DOCK11: variants seen among roughly 807,000 people sequenced by gnomAD.
The protein encoded by DOCK11 is dedicator of cytokinesis protein 11.
Under a neutral mutation model 169.1 loss-of-function variants are expected in DOCK11, and 70 were observed. The observed-to-expected ratio is 0.41, with a 90% CI of 0.34 to 0.51. DOCK11 has a LOEUF of 0.51. Among genes scored for constraint, DOCK11 ranks in the 20% least tolerant of loss-of-function variants. The pLI, the probability that DOCK11 is intolerant of heterozygous loss-of-function variation, is 0.10. For synonymous variants in DOCK11, 529 were observed against 541.3 expected (o/e 0.98, Z 0.32); for missense variants, 1,166 against 1,538.8 (o/e 0.76, Z 4.05).
rs772944005 is a variant in DOCK11, at chrX:118,624,642, C to G, written c.3575C>G (p.Ala1192Gly). The G allele has an allele frequency of 5.9e-6, 7 of 1,185,178 alleles. No homozygotes were observed. The highest frequency in any genetic ancestry group is 8.0e-6 in the Non-Finnish European group (7 of 874,284). ...CGAGATACCTTGTATTCTTGTGCAGCCATGCCTAATTCTGTAAGTAGTAAT... is the reference window on the plus strand; with the variant it reads ...CGAGATACCTTGTATTCTTGTGCAGGCATGCCTAATTCTGTAAGTAGTAAT... ...AGRDTLYSCA[A>G]MPNSASRDEF... The change falls in exon 32 of 53, where the codon GCC (alanine) becomes GGC (glycine). Residue 1192 changes from alanine (A) to glycine (G), a missense_variant. By Grantham distance (60) the Ala-to-Gly change is moderately conservative. Transcript: ENST00000276202.
intron 21 of DOCK11, 107 bp downstream of exon 21, chrX:118,597,659 G>C (rs2014209838): frequency 7.8e-6 from 7 of 896,351 alleles, no homozygotes; most frequent in Non-Finnish European, 1.1e-5. Context: ...TGGGGTCTGA[G>C]GGCTGGTGCG....
At position 118,650,784 on chromosome X, in the gene DOCK11, A is replaced by G. The variant is rs754998042; in HGVS notation, c.4582-1180A>G. ...TTTTCTTTAAGTCTTTTATTCAAAT[A>G]TAGACAAATTAATAAATATGAAGAC... On this transcript the variant is annotated intron_variant, in intron 41 of 52. Transcript: ENST00000276202. 2.2e-3 allele frequency among the ~76,000 whole-genome samples: 246 copies of G among 111,900 alleles called. 1 individual carries two copies. The highest frequency in any genetic ancestry group is 3.8e-3 in the Non-Finnish European group (200 of 53,201).
rs756939306 is a variant in DOCK11 at position 118,588,383 on chromosome X, T to C, written c.1981-30T>C. 69 of 1,159,527 alleles carry C rather than the reference T, an allele frequency of 6.0e-5. No individual in the cohort carries two copies. In the East Asian group the frequency reaches 2.0e-3, roughly 34 times the overall value. On this transcript the variant is annotated intron_variant, in intron 17 of 52. Transcript: ENST00000276202. The stretch of plus-strand genomic sequence containing the variant: ...TGTTATTTATAATCTGCTAATTGTG[T>C]GACTCATTTTGACTGATTAATCATT...
intron 1 of DOCK11, among the ~76,000 whole-genome samples, chrX:118,531,665 C>T (rs2011591988): frequency 1.8e-5 from 2 of 108,571 alleles, no homozygotes; most frequent in African/African-American, 6.7e-5. Flanking sequence ...TCAAGTGATT[C>T]TCCTGCCTCA....
chrX:118,588,062 A>G, intron 16 of DOCK11, 75 bp from the exon 17 acceptor site: 1 of 883,405 alleles, frequency 1.1e-6, no homozygotes, highest in Non-Finnish European at 1.5e-6. Flanking sequence ...ATTCATGTAT[A>G]TTTTTTATAC....
At chrX:118,559,437 A>C (rs2012830852) in intron 6 of DOCK11, among the ~76,000 whole-genome samples, 1 of 112,082 alleles carries the variant, frequency 8.9e-6, no homozygotes, top group African/African-American at 3.2e-5. Context: ...TTGGCCTGAA[A>C]GATGTATTCT....
At chrX:118,635,805 C>T (rs2015373229) in intron 35 of DOCK11, among the ~76,000 whole-genome samples, 1 of 111,379 alleles carries the variant, frequency 9.0e-6, no homozygotes, top group South Asian at 3.8e-4. Flanking sequence ...CCAGGTTGGC[C>T]TCGAGCTCCT....
rs150043473 is a variant in DOCK11, at chrX:118,663,745, G to A, written c.5076+953G>A. Among the ~76,000 whole-genome samples, 675 of 97,242 alleles carry A rather than the reference G, an allele frequency of 6.9e-3. 2 individuals carry two copies. Among genetic ancestry groups the A allele is most frequent in the African/African-American group, 0.024 (633 of 26,076 alleles). The allele number at this position is 97,242 out of a possible 115,157, so 84.4% of individuals were successfully genotyped here. Reference sequence around the variant, plus strand: ...GCTGGAGTGCAGTGGCGCAATCTTGGTTCACTGCAACCTCTGCCTCCCGGG... The same window carrying A: ...GCTGGAGTGCAGTGGCGCAATCTTGATTCACTGCAACCTCTGCCTCCCGGG... On this transcript the variant is annotated intron_variant, in intron 45 of 52. Transcript: ENST00000276202.
intron 50 of DOCK11, 136 bp from the exon 51 acceptor site, chrX:118,681,558 C>A: frequency 2.2e-6 from 1 of 453,077 alleles, no homozygotes; most frequent in Admixed American, 4.9e-5. Flanking sequence ...TTGAAATAAA[C>A]TTGAAATAAG....
At chrX:118,571,020 C>T (rs1396233985) in intron 10 of DOCK11, among the ~76,000 whole-genome samples, 5 of 111,858 alleles carry the variant, frequency 4.5e-5, no homozygotes, top group African/African-American at 1.6e-4. Flanking sequence ...AGGTCCATTG[C>T]CCAGCTCTGT....
chrX:118,664,542 G>A (rs752431138), intron 45 of DOCK11, among the ~76,000 whole-genome samples: 103 of 110,692 alleles, frequency 9.3e-4, no homozygotes, highest in African/African-American at 3.2e-3. Context: ...CTGCTCAGGA[G>A]GCTGAGGCAG....
At chrX:118,639,331 C>G (rs2015466370) in intron 37 of DOCK11, 104 bp from the exon 38 acceptor site, 1 of 850,379 alleles carries the variant, frequency 1.2e-6, no homozygotes, top group African/African-American at 2.0e-5. Context: ...CTTGAGTGTA[C>G]TACTATGTTT....
intron 39 of DOCK11, 61 bp from the exon 40 acceptor site, chrX:118,643,396 T>C (rs1480537214): frequency 9.3e-7 from 1 of 1,079,026 alleles, no homozygotes; most frequent in African/African-American, 1.9e-5. Context: ...AAACAGGTAT[T>C]GGTGAAATCA....
chrX:118,618,675 G>A lies in DOCK11; in HGVS notation c.3418G>A (p.Val1140Ile). The change falls in exon 31 of 53, where the codon GTT becomes ATT. Residue 1140 changes from valine (V) to isoleucine (I), a missense_variant. Coordinates refer to ENST00000276202, the MANE Select transcript of DOCK11 (RefSeq NM_144658.4). ...TGAGATCAGATATACAGCTATCTCT[G>A]TTATAAAGAATCTTTTGATAAAACA... Reference protein sequence around the residue: ...NYEIRYTAISVIKNLLIKHAF... With the variant: ...NYEIRYTAISIIKNLLIKHAF... 1 of 1,207,318 alleles carries A rather than the reference G, an allele frequency of 8.3e-7. No individual in the cohort carries two copies. The highest frequency in any genetic ancestry group is 1.1e-6 in the Non-Finnish European group (1 of 893,091).
At chrX:118,570,299 C>T (rs1054755487) in intron 10 of DOCK11, among the ~76,000 whole-genome samples, 1 of 112,085 alleles carries the variant, frequency 8.9e-6, no homozygotes, top group African/African-American at 3.2e-5. Context: ...ACTCACAGGC[C>T]TTAGAAGGGA....
intron 51 of DOCK11, among the ~76,000 whole-genome samples, chrX:118,682,777 A>G (rs1199378854): frequency 1.8e-5 from 2 of 112,151 alleles, no homozygotes; most frequent in Non-Finnish European, 3.8e-5. Context: ...AATTAATGTC[A>G]GCACAACTTT....
chrX:118,536,773 A>G (rs1453633427), intron 1 of DOCK11, among the ~76,000 whole-genome samples: 1 of 111,628 alleles, frequency 9.0e-6, no homozygotes. Flanking sequence ...CCTCTGCATT[A>G]CCAGGGGCTA....
chrX:118,574,832 T>C (rs1205256789), intron 12 of DOCK11, among the ~76,000 whole-genome samples: 1 of 111,880 alleles, frequency 8.9e-6, no homozygotes, highest in East Asian at 2.8e-4. Flanking sequence ...CACTCTTCTA[T>C]TCTATCTGGA....
At chrX:118,613,995 T>C (rs1445137561) in intron 28 of DOCK11, among the ~76,000 whole-genome samples, 1 of 111,972 alleles carries the variant, frequency 8.9e-6, no homozygotes, top group Non-Finnish European at 1.9e-5. Context: ...TTGGAAGCTT[T>C]GGGGCAGGAA....
Sources: gnomAD v4.1 joint callset for allele counts (sites outside exome capture counted in the v4.1 genomes callset) on GRCh38, gnomAD v4.1.1 for gene constraint, MANE v1.5 for transcripts, NCBI Gene and HGNC (gene_info 2026-07-23, HGNC 2026-07-21) for gene names.